Variants in SERAC1 observed in about 807,000 individuals in gnomAD.
SERAC1 encodes the protein serine active site containing 1, also known as protein SERAC1.
Under a neutral mutation model 85.7 loss-of-function variants are expected in SERAC1, and 36 were observed. The ratio of observed to expected loss-of-function variants is 0.42; its 90% CI spans 0.32 to 0.55. The LOEUF (loss-of-function observed/expected upper bound fraction) is 0.55. Ranked by LOEUF, SERAC1 falls within the 20% of genes least tolerant of loss-of-function variation. SERAC1 has a pLI of 0.11. For missense variants in SERAC1, 629 were observed against 796.2 expected (o/e 0.79, Z 2.53); for synonymous variants, 242 against 265.3 (o/e 0.91, Z 0.85).
intron 2 of SERAC1, among the ~76,000 whole-genome samples, chr6:158,156,212 G>C (rs1463775334): frequency 6.6e-6 from 1 of 152,098 alleles, no homozygotes; most frequent in Non-Finnish European, 1.5e-5. Context: ...ATGTTTGTTT[G>C]GGTCTTGGAA....
At position 158,117,863 on chromosome 6, in the gene SERAC1, C is replaced by T; in HGVS notation, c.1309-42G>A. The T allele has an allele frequency of 6.7e-7, 1 of 1,488,482 alleles. No individual in the cohort carries two copies. The highest frequency in any genetic ancestry group is 9.3e-7 in the Non-Finnish European group (1 of 1,069,866). 92.2% of individuals were successfully genotyped at this position (1,488,482 alleles called of 1,614,324 possible). Reference sequence around the variant, plus strand: ...ATATGTGAGAACAAGTATGAATCTTCACCACTGCAATTACTGCCTAGTAAA... The same window carrying T: ...ATATGTGAGAACAAGTATGAATCTTTACCACTGCAATTACTGCCTAGTAAA... On this transcript the variant is annotated intron_variant, in intron 12 of 16. Transcript: ENST00000647468. The surrounding 1 kb of genome is among the most constrained non-coding windows in gnomAD (Gnocchi z 4.3).
intron 8 of SERAC1, among the ~76,000 whole-genome samples, chr6:158,136,448 G>A (rs1784794669): frequency 6.6e-6 from 1 of 152,182 alleles, no homozygotes; most frequent in South Asian, 2.1e-4. Context: ...CGTGTTGGCT[G>A]TATGCTGGGG....
At chr6:158,139,701 G>A (rs534514467) in intron 8 of SERAC1, among the ~76,000 whole-genome samples, 52 of 152,256 alleles carry the variant, frequency 3.4e-4, no homozygotes, top group Non-Finnish European at 6.3e-4. Context: ...AATAGCTACT[G>A]CATTCCAGCC....
intron 8 of SERAC1, among the ~76,000 whole-genome samples, chr6:158,136,573 G>A (rs1281102164): frequency 1.3e-5 from 2 of 152,060 alleles, no homozygotes; most frequent in East Asian, 1.9e-4. Flanking sequence ...ATAGAGCACC[G>A]CAGCCTCGAA....
Position 158,149,121 on chromosome 6 carries a change from A to C in SERAC1, c.266-167T>G, listed in dbSNP as rs113905494. On this transcript the variant is annotated intron_variant, in intron 4 of 16. Transcript: ENST00000647468. ...TCTCCTGCTTCACAGCCTCCCGAGTAGCTGGGACTACAGGCCCTCGCCACC... is the reference window on the plus strand; with the variant it reads ...TCTCCTGCTTCACAGCCTCCCGAGTCGCTGGGACTACAGGCCCTCGCCACC... 1.1e-3 allele frequency among the ~76,000 whole-genome samples: 170 copies of C among 152,214 alleles called. 2 individuals carry two copies. Among genetic ancestry groups the C allele is most frequent in the African/African-American group, 3.7e-3 (153 of 41,532 alleles).
chr6:158,134,075 T>C (rs1219153108), intron 8 of SERAC1, among the ~76,000 whole-genome samples: 2 of 152,210 alleles, frequency 1.3e-5, no homozygotes, highest in African/African-American at 4.8e-5. Context: ...AACGGTGAAG[T>C]TGCACATTCT....
chr6:158,141,469 T>C (rs1049047352), intron 8 of SERAC1, among the ~76,000 whole-genome samples: 5 of 152,214 alleles, frequency 3.3e-5, no homozygotes, highest in African/African-American at 9.6e-5. Flanking sequence ...ATTGGAAATA[T>C]CACCATAAAT....
chr6:158,145,701 T>G (rs967800817), intron 6 of SERAC1, among the ~76,000 whole-genome samples: 2 of 151,940 alleles, frequency 1.3e-5, no homozygotes, highest in African/African-American at 4.8e-5. Context: ...TTCTATTTTT[T>G]TAGTAGAGAC....
chr6:158,156,922 A>G (rs547056778), intron 2 of SERAC1, among the ~76,000 whole-genome samples: 7 of 133,042 alleles, frequency 5.3e-5, no homozygotes, highest in African/African-American at 1.6e-4. Context: ...TTATATAAAT[A>G]TTAATATATT....
rs1784319276 is a variant in SERAC1 at position 158,117,555 on chromosome 6, C to T, written c.1403+172G>A. The T allele has an allele frequency of 1.3e-6, 2 of 1,550,938 alleles. No individual in the cohort carries two copies. The highest frequency in any genetic ancestry group is 1.7e-6 in the Non-Finnish European group (2 of 1,146,972). On this transcript the variant is annotated intron_variant, in intron 13 of 16. Transcript: ENST00000647468. The surrounding 1 kb of genome is among the most constrained non-coding windows in gnomAD (Gnocchi z 4.3). The stretch of plus-strand genomic sequence containing the variant: ...ACCTAAGCCTTCTACTATTCCACTG[C>T]TTATTGACAGCAAACTCCTTCTAGA...
At chr6:158,125,305 A>C (rs1263426174) in intron 10 of SERAC1, among the ~76,000 whole-genome samples, 1 of 152,242 alleles carries the variant, frequency 6.6e-6, no homozygotes, top group African/African-American at 2.4e-5. Context: ...TATCATGTAC[A>C]TAAAATTTTA....
intron 15 of SERAC1, among the ~76,000 whole-genome samples, chr6:158,113,959 C>T (rs758420168): frequency 3.9e-5 from 6 of 152,092 alleles, no homozygotes; most frequent in Non-Finnish European, 7.4e-5. Context: ...GAATGCCTGT[C>T]CCTTCCCATC....
chr6:158,166,164 A>ATAGT (rs550169915), intron 1 of SERAC1: 5 of 152,308 alleles, frequency 3.3e-5, no homozygotes, highest in African/African-American at 1.2e-4. Flanking sequence ...ACTGTTGTCA[A>ATAGT]TAGTTTGAAA....
At position 158,114,991 on chromosome 6, in the gene SERAC1, A is replaced by T. The variant is rs867006888; in HGVS notation, c.1502-20T>A. 2 of 1,596,720 alleles carry T rather than the reference A, an allele frequency of 1.3e-6. No homozygotes were observed. The highest frequency in any genetic ancestry group is 3.4e-4 in the Middle Eastern group (2 of 5,952). On this transcript the variant is annotated intron_variant, in intron 14 of 16. Coordinates refer to ENST00000647468, the MANE Select transcript of SERAC1 (RefSeq NM_032861.4). The stretch of plus-strand genomic sequence containing the variant: ...GAAGACCTAGCCACAGACAAGGGAA[A>T]AAAACAATGCATAAGCTATTTTCCT...
chr6:158,125,146 G>A (rs1342497607), intron 10 of SERAC1, among the ~76,000 whole-genome samples: 2 of 152,150 alleles, frequency 1.3e-5, no homozygotes, highest in Non-Finnish European at 2.9e-5. Flanking sequence ...TTTAAGAGGT[G>A]ACTGGGCCAT....
At chr6:158,147,024 C>A (rs1785077576) in intron 5 of SERAC1, 111 bp from the exon 6 acceptor site, 2 of 1,061,216 alleles carry the variant, frequency 1.9e-6, no homozygotes, top group East Asian at 2.5e-5. Context: ...AGAGTTAAAT[C>A]CATATATATA....
chr6:158,134,636 G>A (rs1368396096), intron 8 of SERAC1, among the ~76,000 whole-genome samples: 1 of 151,838 alleles, frequency 6.6e-6, no homozygotes, highest in Non-Finnish European at 1.5e-5. Context: ...AGAGGAAGAA[G>A]AAAGCTTTTC....
At chr6:158,139,392 T>C (rs554545998) in intron 8 of SERAC1, among the ~76,000 whole-genome samples, 1 of 152,310 alleles carries the variant, frequency 6.6e-6, no homozygotes, top group South Asian at 2.1e-4. Flanking sequence ...TAAAGAACTC[T>C]TACAACTCAA....
chr6:158,115,457 GA>G (rs1225127626), intron 14 of SERAC1, among the ~76,000 whole-genome samples: 2 of 152,144 alleles, frequency 1.3e-5, no homozygotes, highest in African/African-American at 4.8e-5. Context: ...CCCGGCTTTG[GA>G]ACCGATAATG....
Sources: gnomAD v4.1 joint callset for allele counts (sites outside exome capture counted in the v4.1 genomes callset) on GRCh38, gnomAD v4.1.1 for gene constraint, Gnocchi (gnomAD v3.1) non-coding constraint, MANE v1.5 for transcripts, NCBI Gene and HGNC (gene_info 2026-07-23, HGNC 2026-07-21) for gene names.